The following KIAA2012 variants were observed in gnomAD, a reference collection of about 807,000 sequenced individuals.
KIAA2012 encodes uncharacterized protein KIAA2012.
KIAA2012 carries 125 observed loss-of-function variants against 150.6 expected under a neutral mutation model. That is an observed-to-expected ratio of 0.83 (90% CI 0.72 to 0.96). KIAA2012 has a LOEUF of 0.96. KIAA2012 is among the 40% of genes least tolerant of loss of function. The pLI is 0.00. For missense variants in KIAA2012, 1,219 were observed against 1,354.9 expected (o/e 0.90, Z 1.57); for synonymous variants, 462 against 504.7 (o/e 0.92, Z 1.13).
At chr2:202,147,893 C>T (rs1304650988) in intron 13 of KIAA2012, among the ~76,000 whole-genome samples, 1 of 152,146 alleles carries the variant, frequency 6.6e-6, no homozygotes, top group Non-Finnish European at 1.5e-5. Context: ...AATGTGTCAT[C>T]TCTCAAACAC....
intron 5 of KIAA2012, among the ~76,000 whole-genome samples, chr2:202,098,159 A>G (rs1470576726): frequency 6.6e-6 from 1 of 152,228 alleles, no homozygotes; most frequent in African/African-American, 2.4e-5. Flanking sequence ...CAGGAGTTCG[A>G]GACCAGCCTG....
chr2:202,077,188 C>A, intron 2 of KIAA2012: 1 of 379,484 alleles, frequency 2.6e-6, no homozygotes, highest in Non-Finnish European at 5.2e-6. Flanking sequence ...GCCCCCCCAG[C>A]TGTTTGGCTT....
intron 10 of KIAA2012, 27 bp from the exon 11 acceptor site, chr2:202,113,309 C>T (rs1046096750): frequency 1.6e-5 from 25 of 1,520,684 alleles, no homozygotes; most frequent in East Asian, 4.9e-5. Flanking sequence ...GGTACTGACA[C>T]TGCCTATGCT....
At chr2:202,197,568 T>C (rs1346506398) in intron 22 of KIAA2012, 1 of 156,468 alleles carries the variant, frequency 6.4e-6, no homozygotes, top group Non-Finnish European at 1.4e-5. Flanking sequence ...AATTTAACGA[T>C]GTGATAGGAC....
At chr2:202,131,633 G>A (rs532261028) in intron 12 of KIAA2012, among the ~76,000 whole-genome samples, 1 of 152,332 alleles carries the variant, frequency 6.6e-6, no homozygotes, top group Non-Finnish European at 1.5e-5. Flanking sequence ...GACTCAGCCT[G>A]GAGGTTGAGA....
At chr2:202,081,691 G>A (rs1055094784) in intron 2 of KIAA2012, among the ~76,000 whole-genome samples, 2 of 151,996 alleles carry the variant, frequency 1.3e-5, no homozygotes, top group South Asian at 4.2e-4. Context: ...GGGATTACAG[G>A]CATGCACCAC....
chr2:202,145,017 A>T (rs1220810787), intron 13 of KIAA2012, among the ~76,000 whole-genome samples: 1 of 152,094 alleles, frequency 6.6e-6, no homozygotes, highest in Non-Finnish European at 1.5e-5. Flanking sequence ...TCTCTGGAAA[A>T]GCTTTGGGTC....
At chr2:202,111,797 T>G (rs962880131) in intron 10 of KIAA2012, among the ~76,000 whole-genome samples, 5 of 151,740 alleles carry the variant, frequency 3.3e-5, no homozygotes, top group Non-Finnish European at 7.4e-5. Context: ...TGTATGGGGG[T>G]GTGTGTGCAT....
chr2:202,079,736 A>C (rs1268371843), intron 2 of KIAA2012, among the ~76,000 whole-genome samples: 1 of 152,222 alleles, frequency 6.6e-6, no homozygotes, highest in Non-Finnish European at 1.5e-5. Context: ...GTTTTTTAAC[A>C]GAAGGAAATC....
intron 22 of KIAA2012, chr2:202,201,563 G>A: frequency 6.2e-7 from 1 of 1,610,190 alleles, no homozygotes; most frequent in Non-Finnish European, 8.5e-7. Context: ...CATCATACCC[G>A]CCTTCCACCA....
rs543209390 is a variant in KIAA2012, at chr2:202,165,330, T to C, written c.2093T>C (p.Leu698Pro). 1 of 1,550,370 alleles carries C rather than the reference T, an allele frequency of 6.5e-7. No individual in the cohort carries two copies. The highest frequency in any genetic ancestry group is 1.4e-5 in the African/African-American group (1 of 73,146). ...TATCAGGAAGAAGCAGGGAGACCCC[T>C]CAGAGAAACTCACCACAACGACCAA... ...LDYQEEAGRP[L>P]RETHHNDQDP... is the part of the protein sequence containing the mutation. Residue 698 changes from leucine to proline, a missense_variant, in exon 15 of 24, where the codon CTC becomes CCC. Leu to Pro is a moderately conservative substitution (Grantham distance 98). Transcript: ENST00000498697.
intron 18 of KIAA2012, among the ~76,000 whole-genome samples, chr2:202,189,890 G>A (rs1692295178): frequency 6.6e-6 from 1 of 151,988 alleles, no homozygotes; most frequent in African/African-American, 2.4e-5. Flanking sequence ...TCAGGGATTT[G>A]AGACTAGCCT....
chr2:202,197,582 G>C (rs551296016), intron 22 of KIAA2012: 1 of 155,522 alleles, frequency 6.4e-6, no homozygotes, highest in Non-Finnish European at 1.4e-5. Flanking sequence ...ATAGGACACC[G>C]GGCACAGTGG....
chr2:202,147,426 C>T (rs1172198651), intron 13 of KIAA2012, among the ~76,000 whole-genome samples: 7 of 152,178 alleles, frequency 4.6e-5, no homozygotes, highest in Non-Finnish European at 1.5e-5. Context: ...CGGCCCACAG[C>T]ACAGGGCTGC....
intron 12 of KIAA2012, 111 bp downstream of exon 12, chr2:202,125,393 C>A: frequency 1.3e-6 from 1 of 780,814 alleles, no homozygotes; most frequent in Non-Finnish European, 2.1e-6. Flanking sequence ...CCAAATATAC[C>A]AATAAGTAGC....
At chr2:202,201,788 T>TGG in intron 22 of KIAA2012, 2 of 1,302,486 alleles carry the variant, frequency 1.5e-6, no homozygotes, top group Non-Finnish European at 2.2e-6. Context: ...CAGTATAGGG[T>TGG]AGAGCCTGAG....
intron 10 of KIAA2012, among the ~76,000 whole-genome samples, chr2:202,112,839 A>G (rs1003064996): frequency 1.3e-5 from 2 of 152,206 alleles, no homozygotes; most frequent in African/African-American, 2.4e-5. Flanking sequence ...GAGACACAGC[A>G]TCCTTCATCT....
At chr2:202,106,569 C>T (rs1239007594) in intron 9 of KIAA2012, among the ~76,000 whole-genome samples, 2 of 152,100 alleles carry the variant, frequency 1.3e-5, no homozygotes, top group Non-Finnish European at 2.9e-5. Flanking sequence ...CACCTGTAAT[C>T]CCCGCTACTC....
At position 202,132,728 on chromosome 2, in the gene KIAA2012, A is replaced by AGTATATAT. The variant is rs1553556779; in HGVS notation, c.1832-5695_1832-5688dup. The stretch of plus-strand genomic sequence containing the variant: ...TATATGTATATATGTATATATATAT[A>AGTATATAT]GTATATATGTATATATATAGTATAT... On this transcript the variant is annotated intron_variant, in intron 12 of 23. Transcript: ENST00000498697. 3.6e-3 allele frequency among the ~76,000 whole-genome samples: 215 copies of AGTATATAT among 60,478 alleles called. 3 individuals are homozygous for AGTATATAT. The highest frequency in any genetic ancestry group is 7.5e-3 in the Middle Eastern group (1 of 134). 39.7% of individuals were successfully genotyped at this position (60,478 alleles called of 152,430 possible).
Sources: allele counts gnomAD v4.1 joint callset (sites outside exome capture counted in the v4.1 genomes callset), GRCh38; gene constraint gnomAD v4.1.1; transcripts MANE v1.5; gene names NCBI Gene and HGNC (gene_info 2026-07-23, HGNC 2026-07-21).